GALK1: variants seen among roughly 807,000 people sequenced by gnomAD.
The protein encoded by GALK1 is galactokinase.
A neutral mutation model predicts 38.6 loss-of-function variants in GALK1; 30 were observed. The ratio of observed to expected loss-of-function variants is 0.78; its 90% CI spans 0.58 to 1.05. The LOEUF (loss-of-function observed/expected upper bound fraction) is 1.05. Ranked by LOEUF, GALK1 falls within the 50% of genes least tolerant of loss-of-function variation. The pLI, the probability that GALK1 is intolerant of heterozygous loss-of-function variation, is 0.00. For synonymous variants in GALK1, 240 were observed against 233.6 expected (o/e 1.03, Z -0.25); for missense variants, 512 against 540.5 (o/e 0.95, Z 0.52).
intron 5 of GALK1, among the ~76,000 whole-genome samples, chr17:75,761,156 C>T (rs1038909398): frequency 6.6e-6 from 1 of 151,352 alleles, no homozygotes. Flanking sequence ...GAGCCGAGAT[C>T]GTGCCACTGC....
At chr17:75,764,408 G>A (rs777632154) in intron 1 of GALK1, 1 of 610,208 alleles carries the variant, frequency 1.6e-6, no homozygotes, top group African/African-American at 1.8e-5. Context: ...GGTGGCTCTG[G>A]ACATCCTGTA....
intron 1 of GALK1, chr17:75,764,616 G>A (rs2061602649): frequency 2.1e-6 from 1 of 466,596 alleles, no homozygotes; most frequent in Non-Finnish European, 4.1e-6. Context: ...CAGGTCTGCG[G>A]TTGGGGCCCC....
downstream of GALK1, chr17:75,757,516 C>G (rs1325482272): frequency 6.2e-7 from 1 of 1,613,444 alleles, no homozygotes; most frequent in Non-Finnish European, 8.5e-7. Context: ...CCAGCGGAAC[C>G]CTTAGCACCC....
At chr17:75,759,708 C>A (rs1007292298) in intron 5 of GALK1, among the ~76,000 whole-genome samples, 5 of 152,156 alleles carry the variant, frequency 3.3e-5, no homozygotes, top group African/African-American at 9.7e-5. Context: ...CCAAGGGCAT[C>A]TGCACAGAGC....
downstream of GALK1, chr17:75,757,157 CCTT>C (rs770684829): frequency 6.4e-5 from 103 of 1,612,552 alleles, no homozygotes; most frequent in East Asian, 5.6e-4. Context: ...GGCCGTGCCT[CCTT>C]CTGGCACCAC....
downstream of GALK1, chr17:75,753,769 C>A (rs376280983): frequency 6.9e-7 from 1 of 1,444,564 alleles, no homozygotes; most frequent in Non-Finnish European, 9.1e-7. Flanking sequence ...CCCAAGGCTG[C>A]GGCTGGAAGT....
downstream of GALK1, chr17:75,757,829 T>C: frequency 1.5e-6 from 1 of 664,442 alleles, no homozygotes. Context: ...GGCCCTGCCT[T>C]GCCCATTCTT....
intron 5 of GALK1, among the ~76,000 whole-genome samples, chr17:75,761,231 GATAA>G (rs2061586087): frequency 1.3e-5 from 2 of 151,762 alleles, no homozygotes; most frequent in Non-Finnish European, 2.9e-5. Context: ...TAATAAAAAA[GATAA>G]ATAAAAAAAG....
At chr17:75,753,648 G>A (rs995475644), downstream of GALK1, 30 of 632,290 alleles carry the variant, frequency 4.7e-5, no homozygotes, top group African/African-American at 3.8e-4. Context: ...CACACACCCC[G>A]GGATCCCGGG....
chr17:75,752,434 C>T (rs781590331), intron 8 of GALK1: 4 of 1,613,024 alleles, frequency 2.5e-6, no homozygotes, highest in Non-Finnish European at 3.4e-6. Context: ...GGCTCACTCC[C>T]CTGCCCTGCA....
chr17:75,752,956 A>G (rs1380905156), downstream of GALK1, among the ~76,000 whole-genome samples: 1 of 152,164 alleles, frequency 6.6e-6, no homozygotes, highest in Non-Finnish European at 1.5e-5. Context: ...AGCCAAGGAG[A>G]CAAGAACACC....
rs771880802 is a variant in GALK1 at position 75,763,931 on chromosome 17, G to A, written c.321C>T (p.Ala107=). The A allele has an allele frequency of 2.5e-6, 4 of 1,613,774 alleles. No individual in the cohort carries two copies. The South Asian group carries it at 3.3e-5, about 13-fold the overall frequency. Residue 107 remains alanine, a synonymous_variant, in exon 2 of 8, where the codon GCC becomes GCT. Transcript: ENST00000588479. ...ACTGAATCACTCCCTTGACATAGTT[G>A]GCCCACCGAGGAGTCCCAGGCTCCA... ...RSLEPGTPRW[A]NYVKGVIQYY...
chr17:75,751,476 C>T (rs1358718212), downstream of GALK1: 1 of 336,434 alleles, frequency 3.0e-6, no homozygotes, highest in East Asian at 7.3e-5. Context: ...TTCTGAATTT[C>T]AGATAGCACT....
In GALK1 at chr17:75,758,230, G is replaced by A. The variant is rs1357582870; in HGVS notation, c.1087C>T (p.His363Tyr). 6.2e-7 allele frequency: 1 copy of A among 1,603,652 alleles called. No individual in the cohort carries two copies. The highest frequency in any genetic ancestry group is 1.3e-5 in the African/African-American group (1 of 74,836). Residue 363 changes from histidine (H) to tyrosine (Y), a missense_variant, in exon 7 of 8, where the codon CAC becomes TAC. Coordinates refer to ENST00000588479, the MANE Select transcript of GALK1 (RefSeq NM_000154.2). ...CCCACCTGGATGTGCCGCATGGCGT[G>A]GGGAGCAGCGGAGGCCTCCAGCAGT... ...VTLLEASAAP[H>Y]AMRHIQEHYG...
intron 8 of GALK1, chr17:75,752,114 G>A: frequency 4.5e-6 from 7 of 1,551,868 alleles, no homozygotes; most frequent in South Asian, 2.2e-5. Context: ...CTGTGTCAGG[G>A]GTGGTGTTGG....
At position 75,763,073 on chromosome 17, in the gene GALK1, G is replaced by C. The variant is rs773416476; in HGVS notation, c.552C>G (p.Ile184Met). ...EHSFAGMPCGIMDQFISLMGQ... is the reference protein window; with the variant it reads ...EHSFAGMPCGMMDQFISLMGQ... ...CCATAAGTGAGATGAACTGGTCCAT[G>C]ATGCCACAGGGCATCCCTGCGAAGC... The change falls in exon 4 of 8, where the codon ATC becomes ATG. Residue 184 changes from isoleucine to methionine, a missense_variant. Ile to Met is a conservative substitution (Grantham distance 10). Transcript: ENST00000588479. 53 of 1,612,962 alleles carry C rather than the reference G, an allele frequency of 3.3e-5. No homozygotes were observed. The Middle Eastern group carries it at 8.2e-4, about 25-fold the overall frequency.
rs988618590 is a variant in GALK1, at chr17:75,752,046, G to A, written c.*23-309C>T. 10 of 1,010,864 alleles carry A rather than the reference G, an allele frequency of 9.9e-6. No homozygotes were observed. In the African/African-American group the frequency reaches 1.6e-4, roughly 16 times the overall value. The allele number at this position is 1,010,864 out of a possible 1,614,324, so 62.6% of individuals were successfully genotyped here. On this transcript the variant is annotated intron_variant, in intron 8 of 8. Transcript: ENST00000225614. ...CGCAGGCGGCAATTCAGCAGTGGCT[G>A]GCTTTGCCTTGCTTCCCCAGCCCCT...
At chr17:75,757,570 AC>A, downstream of GALK1, 1 of 1,591,708 alleles carries the variant, frequency 6.3e-7, no homozygotes, top group Non-Finnish European at 8.5e-7. Context: ...ACCCTGCCCC[AC>A]CCCCGCCACG....
intron 5 of GALK1, among the ~76,000 whole-genome samples, chr17:75,760,886 T>C (rs1192345289): frequency 6.6e-6 from 1 of 151,784 alleles, no homozygotes; most frequent in Non-Finnish European, 1.5e-5. Flanking sequence ...CCTGGGCAAC[T>C]TAGCAGAACC....
Sources: allele counts gnomAD v4.1 joint callset (sites outside exome capture counted in the v4.1 genomes callset), GRCh38; gene constraint gnomAD v4.1.1; transcripts MANE v1.5; gene names NCBI Gene and HGNC (gene_info 2026-07-23, HGNC 2026-07-21).